The following MSI2 variants were observed in gnomAD, a reference collection of about 807,000 sequenced individuals.
MSI2 encodes RNA-binding protein Musashi homolog 2.
In MSI2, 17 loss-of-function variants were observed where a neutral mutation model predicts 45.6. That is an observed-to-expected ratio of 0.37 (90% confidence interval 0.26 to 0.56). The LOEUF is 0.56. Among genes scored for constraint, MSI2 ranks in the 20% least tolerant of loss-of-function variants. The probability of loss-of-function intolerance (pLI) is 0.77; values close to 1 mark genes in which losing one functional copy is unlikely to be tolerated. For missense variants in MSI2, 293 were observed against 444.2 expected (o/e 0.66, Z 3.06); for synonymous variants, 156 against 158.2 (o/e 0.99, Z 0.11).
At chr17:57,526,082 A>C (rs1242267329) in intron 6 of MSI2, among the ~76,000 whole-genome samples, 1 of 152,016 alleles carries the variant, frequency 6.6e-6, no homozygotes, top group East Asian at 1.9e-4. Flanking sequence ...AAAATTAGCC[A>C]GGCATGGTGG....
At chr17:57,672,561 C>T (rs1016825716) in intron 11 of MSI2, among the ~76,000 whole-genome samples, 1 of 152,242 alleles carries the variant, frequency 6.6e-6, no homozygotes, top group African/African-American at 2.4e-5. Flanking sequence ...TGCCTCTCCC[C>T]ACCCATTAGT....
Position 57,683,040 on chromosome 17 carries a change from A to G in MSI2, c.*3523A>G, listed in dbSNP as rs1163185736. On this transcript the variant is annotated 3_prime_UTR_variant, in exon 14 of 14. Transcript: ENST00000284073. This position sits in a 1 kb window ranked among gnomAD's most constrained non-coding sequence, Gnocchi z 5.2. ...TCTATACCAAACAGCCTCGCGCTCT[A>G]TCCCAGTCGCCCATTAGCTTGATTC... The G allele has an allele frequency of 8.7e-6, 2 of 229,620 alleles. No individual in the cohort carries two copies. Among genetic ancestry groups the G allele is most frequent in the African/African-American group, 2.2e-5 (1 of 45,102 alleles). The allele number at this position is 229,620 out of a possible 1,614,324, so 14.2% of individuals were successfully genotyped here. A position where few individuals can be genotyped will look rare whatever the true frequency, so the allele number is the denominator to read the frequency against.
At chr17:57,599,684 G>C (rs74692884) in intron 8 of MSI2, among the ~76,000 whole-genome samples, 3 of 152,164 alleles carry the variant, frequency 2.0e-5, no homozygotes, top group Non-Finnish European at 4.4e-5. Context: ...AGATTGATTC[G>C]GATGACAGGC....
intron 5 of MSI2, among the ~76,000 whole-genome samples, chr17:57,356,512 A>G (rs1009521165): frequency 2.0e-5 from 3 of 152,210 alleles, no homozygotes; most frequent in African/African-American, 7.2e-5. Context: ...GATTTCAGCA[A>G]GATCCCCCCT....
At chr17:57,427,644 G>A (rs1319296385) in intron 6 of MSI2, among the ~76,000 whole-genome samples, 2 of 152,018 alleles carry the variant, frequency 1.3e-5, no homozygotes, top group African/African-American at 2.4e-5. Flanking sequence ...AGTAAATGTT[G>A]CCATGTCATT....
downstream of MSI2, among the ~76,000 whole-genome samples, chr17:57,685,102 G>A (rs1913839928): frequency 6.6e-6 from 1 of 152,178 alleles, no homozygotes; most frequent in South Asian, 2.1e-4. Context: ...CGACCCCTGA[G>A]TAGGGGTCTG....
chr17:57,551,397 G>C, intron 7 of MSI2, among the ~76,000 whole-genome samples: 2 of 152,284 alleles, frequency 1.3e-5, no homozygotes, highest in East Asian at 1.9e-4. Context: ...GATTGCTGCC[G>C]GAGGGAGGGC....
At chr17:57,504,590 G>A (rs1598342976) in intron 6 of MSI2, among the ~76,000 whole-genome samples, 1 of 152,330 alleles carries the variant, frequency 6.6e-6, no homozygotes, top group Admixed American at 6.5e-5. Context: ...TGGCCATCTT[G>A]TGTTAGGTCA....
intron 7 of MSI2, among the ~76,000 whole-genome samples, chr17:57,586,347 G>A (rs1434530971): frequency 2.0e-5 from 3 of 150,066 alleles, no homozygotes; most frequent in Admixed American, 6.6e-5. Flanking sequence ...ATGGTTAGAG[G>A]TCTCTCTCTC....
At chr17:57,528,866 GGGA>G (rs1174663324) in intron 6 of MSI2, among the ~76,000 whole-genome samples, 2 of 152,132 alleles carry the variant, frequency 1.3e-5, no homozygotes, top group Non-Finnish European at 2.9e-5. Context: ...TATGAATTTT[GGGA>G]GACACAGTTG....
At chr17:57,326,398 C>T (rs567129949) in intron 5 of MSI2, among the ~76,000 whole-genome samples, 45 of 152,080 alleles carry the variant, frequency 3.0e-4, no homozygotes, top group Non-Finnish European at 5.9e-4. Context: ...GACTTATTAC[C>T]TGTCTGCAAG....
chr17:57,356,688 T>G (rs959209511), intron 5 of MSI2, among the ~76,000 whole-genome samples: 1 of 152,228 alleles, frequency 6.6e-6, no homozygotes, highest in African/African-American at 2.4e-5. Context: ...GACTGATGTT[T>G]TATGCCTAAA....
At chr17:57,561,051 G>A (rs1264469868) in intron 7 of MSI2, among the ~76,000 whole-genome samples, 4 of 152,236 alleles carry the variant, frequency 2.6e-5, no homozygotes, top group African/African-American at 9.6e-5. Context: ...GCAAATGGCG[G>A]TGAGGTCGGT....
chr17:57,586,269 C>T (rs920253033), intron 7 of MSI2, among the ~76,000 whole-genome samples: 5 of 152,138 alleles, frequency 3.3e-5, no homozygotes, highest in Non-Finnish European at 1.5e-5. Flanking sequence ...TCCCTGCAGC[C>T]GCAGGCACTT....
intron 6 of MSI2, among the ~76,000 whole-genome samples, chr17:57,473,340 C>T (rs2085475627): frequency 6.6e-6 from 1 of 152,128 alleles, no homozygotes; most frequent in African/African-American, 2.4e-5. Flanking sequence ...ATAGGTCCCC[C>T]CACACGGATG....
chr17:57,377,213 C>T (rs1474850120), intron 5 of MSI2, among the ~76,000 whole-genome samples: 2 of 152,216 alleles, frequency 1.3e-5, no homozygotes, highest in Admixed American at 1.3e-4. Flanking sequence ...AGCCACCGTG[C>T]CCGGCCCACA....
intron 5 of MSI2, among the ~76,000 whole-genome samples, chr17:57,309,259 C>G (rs1031274717): frequency 1.3e-5 from 2 of 152,168 alleles, no homozygotes; most frequent in African/African-American, 4.8e-5. Context: ...AAGTTTGGGG[C>G]TAAGGAACTT....
At chr17:57,513,100 A>G (rs2086393385) in intron 6 of MSI2, among the ~76,000 whole-genome samples, 1 of 150,774 alleles carries the variant, frequency 6.6e-6, no homozygotes, top group Non-Finnish European at 1.5e-5. Context: ...AAGCCTCCTG[A>G]GTAGCCGGAA....
At chr17:57,338,119 T>C (rs944722977) in intron 5 of MSI2, among the ~76,000 whole-genome samples, 1 of 152,188 alleles carries the variant, frequency 6.6e-6, no homozygotes, top group Admixed American at 6.5e-5. Context: ...AGACAGAGTC[T>C]CTCTCTGTCG....
Sources: allele counts gnomAD v4.1 joint callset (sites outside exome capture counted in the v4.1 genomes callset), GRCh38; gene constraint gnomAD v4.1.1; non-coding constraint Gnocchi (gnomAD v3.1); transcripts MANE v1.5; gene names NCBI Gene and HGNC (gene_info 2026-07-23, HGNC 2026-07-21).